LUZP2: variants seen among roughly 807,000 people sequenced by gnomAD.
The protein encoded by LUZP2 is leucine zipper protein 2.
A neutral mutation model predicts 51.6 loss-of-function variants in LUZP2; 52 were observed. The ratio of observed to expected loss-of-function variants is 1.01; its 90% CI spans 0.81 to 1.27. The LOEUF is 1.27. Among genes scored for constraint, LUZP2 ranks in the 50% most tolerant of loss-of-function variants. LUZP2 has a pLI of 0.00. For synonymous variants in LUZP2, 154 were observed against 137.3 expected (o/e 1.12, Z -0.85); for missense variants, 436 against 395.4 (o/e 1.10, Z -0.87).
intron 9 of LUZP2, among the ~76,000 whole-genome samples, chr11:25,046,366 G>A (rs1028055663): frequency 6.6e-5 from 10 of 152,016 alleles, no homozygotes; most frequent in African/African-American, 2.2e-4. Context: ...GTTGTAGAGC[G>A]GATGCATAAT....
intron 1 of LUZP2, among the ~76,000 whole-genome samples, chr11:24,511,617 T>C (rs1850314042): frequency 6.6e-6 from 1 of 152,144 alleles, no homozygotes; most frequent in Admixed American, 6.5e-5. Flanking sequence ...TATCAGTAAA[T>C]GGTTAAACGT....
At chr11:24,772,675 C>G (rs1848780520) in intron 5 of LUZP2, among the ~76,000 whole-genome samples, 1 of 152,140 alleles carries the variant, frequency 6.6e-6, no homozygotes, top group African/African-American at 2.4e-5. Context: ...TGTCCTAAAA[C>G]AACAGGAATT....
chr11:24,895,835 CT>C (rs1268431308), intron 5 of LUZP2, among the ~76,000 whole-genome samples: 1 of 152,126 alleles, frequency 6.6e-6, no homozygotes, highest in Non-Finnish European at 1.5e-5. Context: ...TATTTGTTTT[CT>C]TTTTTTGGAT....
At chr11:24,522,738 T>G (rs1850682476) in intron 1 of LUZP2, among the ~76,000 whole-genome samples, 1 of 152,110 alleles carries the variant, frequency 6.6e-6, no homozygotes, top group East Asian at 1.9e-4. Context: ...TTTTTGACAA[T>G]AAGAAACTTG....
At chr11:24,896,162 C>T (rs1853038039) in intron 5 of LUZP2, among the ~76,000 whole-genome samples, 1 of 152,244 alleles carries the variant, frequency 6.6e-6, no homozygotes, top group South Asian at 2.1e-4. Flanking sequence ...TCGGTTCCTC[C>T]TCGTCCTAGG....
At chr11:24,693,488 C>G (rs1200068700) in intron 1 of LUZP2, among the ~76,000 whole-genome samples, 1 of 151,614 alleles carries the variant, frequency 6.6e-6, no homozygotes, top group Non-Finnish European at 1.5e-5. Flanking sequence ...ATTATTCCTA[C>G]AAATAAAAGG....
chr11:25,006,810 TA>T (rs1856846505), intron 9 of LUZP2, among the ~76,000 whole-genome samples: 2 of 152,108 alleles, frequency 1.3e-5, no homozygotes, highest in African/African-American at 4.8e-5. Context: ...TTACAGCTCA[TA>T]AAGGTAGTGC....
chr11:24,850,508 G>C (rs1198111796), intron 5 of LUZP2, among the ~76,000 whole-genome samples: 1 of 151,572 alleles, frequency 6.6e-6, no homozygotes, highest in Non-Finnish European at 1.5e-5. Context: ...GTAACATGCT[G>C]TTTTGGTTAC....
chr11:24,784,290 C>T (rs1397541703), intron 5 of LUZP2, among the ~76,000 whole-genome samples: 2 of 150,496 alleles, frequency 1.3e-5, no homozygotes. Context: ...TTTTTTATTA[C>T]CATTAATGTT....
intron 1 of LUZP2, among the ~76,000 whole-genome samples, chr11:24,682,672 T>C (rs1856781016): frequency 6.6e-6 from 1 of 150,528 alleles, no homozygotes; most frequent in African/African-American, 2.4e-5. Context: ...ATATTTTAAA[T>C]CCATATTAAG....
At chr11:24,987,405 A>C (rs772477187) in intron 9 of LUZP2, among the ~76,000 whole-genome samples, 26 of 151,966 alleles carry the variant, frequency 1.7e-4, no homozygotes, top group Non-Finnish European at 2.2e-4. Context: ...AGAAAGGAGA[A>C]TGTTTAAAGA....
At chr11:24,710,872 C>A (rs1407724572) in intron 1 of LUZP2, among the ~76,000 whole-genome samples, 1 of 138,138 alleles carries the variant, frequency 7.2e-6, no homozygotes, top group Non-Finnish European at 1.5e-5. Context: ...CAAAATCTGG[C>A]GAGAAGAAAT....
intron 2 of LUZP2, among the ~76,000 whole-genome samples, chr11:24,729,735 C>A (rs1201683717): frequency 6.6e-6 from 1 of 151,862 alleles, no homozygotes; most frequent in African/African-American, 2.4e-5. Context: ...TCTTAACATA[C>A]TGAAATCTTT....
intron 1 of LUZP2, among the ~76,000 whole-genome samples, chr11:24,565,954 T>A (rs1852199241): frequency 6.6e-6 from 1 of 152,098 alleles, no homozygotes. Flanking sequence ...TTTTAAAAAT[T>A]GTATTAATAG....
At chr11:24,731,788 C>G (rs2133971589) in intron 2 of LUZP2, among the ~76,000 whole-genome samples, 1 of 151,920 alleles carries the variant, frequency 6.6e-6, no homozygotes, top group East Asian at 1.9e-4. Context: ...CCTGGTCTAA[C>G]TTGCCTGCAG....
chr11:25,059,462 A>T (rs1858773670), intron 10 of LUZP2, among the ~76,000 whole-genome samples: 1 of 152,320 alleles, frequency 6.6e-6, no homozygotes, highest in African/African-American at 2.4e-5. Context: ...CCCTTTTGAA[A>T]AAATCATTCT....
chr11:24,722,465 C>T (rs921958472), intron 1 of LUZP2, among the ~76,000 whole-genome samples: 4 of 152,108 alleles, frequency 2.6e-5, no homozygotes, highest in African/African-American at 9.7e-5. Context: ...ATGGGAAAAA[C>T]CTGCCCCCAT....
At chr11:24,964,762 A>C (rs1400887031) in intron 7 of LUZP2, among the ~76,000 whole-genome samples, 3 of 152,068 alleles carry the variant, frequency 2.0e-5, no homozygotes, top group Non-Finnish European at 4.4e-5. Flanking sequence ...ATAGTAAAGA[A>C]ATATTAGATG....
intron 1 of LUZP2, among the ~76,000 whole-genome samples, chr11:24,578,389 A>T (rs1852729761): frequency 6.6e-6 from 1 of 152,110 alleles, no homozygotes; most frequent in Non-Finnish European, 1.5e-5. Context: ...GAAAAATGTG[A>T]AAGTATATTA....
Sources: gnomAD v4.1 joint callset for allele counts (sites outside exome capture counted in the v4.1 genomes callset) on GRCh38, gnomAD v4.1.1 for gene constraint, MANE v1.5 for transcripts, NCBI Gene and HGNC (gene_info 2026-07-23, HGNC 2026-07-21) for gene names.